ARIH1: variants seen among roughly 807,000 people sequenced by gnomAD.
The protein encoded by ARIH1 is ariadne RBR E3 ubiquitin protein ligase 1.
In ARIH1, 8 loss-of-function variants were observed where a neutral mutation model predicts 85.0. That is an observed-to-expected ratio of 0.09 (90% CI 0.06 to 0.17). The LOEUF (loss-of-function observed/expected upper bound fraction) is 0.17, where lower values mean the gene tolerates loss of function less well. Among genes scored for constraint, ARIH1 ranks in the 10% least tolerant of loss-of-function variants. The pLI is 1.00. For missense variants in ARIH1, 311 were observed against 718.1 expected, an observed-to-expected ratio of 0.43 and a Z score of 6.48; for synonymous variants, 238 against 253.6, an observed-to-expected ratio of 0.94 and a Z score of 0.59.
rs527337448 is a variant in ARIH1, at chr15:72,548,487, G to T, written c.588+3523G>T. Among the ~76,000 whole-genome samples, 92 of 152,288 alleles carry T rather than the reference G, an allele frequency of 6.0e-4. 1 individual carries two copies. The highest frequency in any genetic ancestry group is 2.1e-3 in the African/African-American group (87 of 41,550). ...AGGAAATGGAAGCAATAAATGTAAT[G>T]AAATTACTCTTTTACAAGAAATTTC... On this transcript the variant is annotated intron_variant, in intron 3 of 13. Transcript: ENST00000379887.
chr15:72,544,094 A>G (rs938743927), intron 2 of ARIH1, among the ~76,000 whole-genome samples: 1 of 152,144 alleles, frequency 6.6e-6, no homozygotes, highest in Non-Finnish European at 1.5e-5. Context: ...GAACTACTCT[A>G]TATTTAGATA....
intron 1 of ARIH1, among the ~76,000 whole-genome samples, chr15:72,478,939 G>A (rs11638897): frequency 0.77 from 117,291 of 152,124 alleles, 51,496 homozygotes; most frequent in Non-Finnish European, 0.96. Flanking sequence ...CTGAGCTAAA[G>A]TGATTCTCCC....
chr15:72,489,876 C>T (rs1201244284), intron 1 of ARIH1, among the ~76,000 whole-genome samples: 1 of 152,090 alleles, frequency 6.6e-6, no homozygotes, highest in East Asian at 1.9e-4. Context: ...AAAGCTTTGC[C>T]CTCCAAAGCA....
At chr15:72,571,129 C>CAA (rs56376097) in intron 10 of ARIH1, among the ~76,000 whole-genome samples, 4 of 61,474 alleles carry the variant, frequency 6.5e-5, no homozygotes, top group East Asian at 5.2e-4. Flanking sequence ...AACTGTGTCT[C>CAA]AAAAAAAAAA....
intron 3 of ARIH1, among the ~76,000 whole-genome samples, chr15:72,552,175 A>G (rs75642089): frequency 1.5e-4 from 23 of 151,826 alleles, no homozygotes; most frequent in African/African-American, 3.1e-4. Flanking sequence ...GTATAGTAGG[A>G]AAAAAAAAGG....
chr15:72,516,774 T>C (rs971621651), intron 1 of ARIH1, among the ~76,000 whole-genome samples: 2 of 152,226 alleles, frequency 1.3e-5, no homozygotes, highest in African/African-American at 4.8e-5. Context: ...TTCATGACAC[T>C]ATTTTTATAC....
Position 72,590,360 on chromosome 15 carries a change from C to T in ARIH1, c.*7068C>T, listed in dbSNP as rs1008074371. ...TTCCAACCTAAGATTGTCCTGGAAA[C>T]TTAATTCTTATCTTGGCTCATCTCT... On this transcript the variant is annotated 3_prime_UTR_variant, in exon 14 of 14. Coordinates refer to ENST00000379887, the MANE Select transcript of ARIH1 (RefSeq NM_005744.5). The T allele has an allele frequency of 6.6e-6, 1 of 152,226 alleles. No individual in the cohort carries two copies. Among genetic ancestry groups the T allele is most frequent in the Non-Finnish European group, 1.5e-5 (1 of 68,054 alleles). 9.4% of individuals were successfully genotyped at this position (152,226 alleles called of 1,614,324 possible).
intron 2 of ARIH1, among the ~76,000 whole-genome samples, chr15:72,518,909 G>T (rs1308339724): frequency 6.6e-6 from 1 of 152,084 alleles, no homozygotes; most frequent in Non-Finnish European, 1.5e-5. Context: ...CAGGTGCTTG[G>T]ACTGGTTCTC....
intron 1 of ARIH1, among the ~76,000 whole-genome samples, chr15:72,484,915 A>G (rs1158678198): frequency 6.6e-6 from 1 of 152,048 alleles, no homozygotes; most frequent in East Asian, 1.9e-4. Flanking sequence ...TCTTTTTCGT[A>G]TAATGACTTT....
chr15:72,572,172 A>G lies in ARIH1; in HGVS notation c.1215+7A>G, dbSNP rs374641088. The G allele has an allele frequency of 1.4e-5, 22 of 1,589,140 alleles. No individual in the cohort carries two copies. The East Asian group carries it at 3.4e-4, about 24-fold the overall frequency. On this transcript the variant is annotated splice_region_variant and intron_variant, in intron 11 of 13. Coordinates refer to ENST00000379887, the MANE Select transcript of ARIH1 (RefSeq NM_005744.5). ...AGCAAGAGATGCACAGGAGGTAAGTATATGTATAACAGGACAATAGTTGAC... is the reference window on the plus strand; with the variant it reads ...AGCAAGAGATGCACAGGAGGTAAGTGTATGTATAACAGGACAATAGTTGAC...
rs1348440155 is a variant in ARIH1, at chr15:72,595,875, G to A, written c.*12583G>A. 1 of 148,592 alleles carries A rather than the reference G, an allele frequency of 6.7e-6. No homozygotes were observed. The highest frequency in any genetic ancestry group is 2.5e-5 in the African/African-American group (1 of 40,590). The allele number at this position is 148,592 out of a possible 1,614,324, so 9.2% of individuals were successfully genotyped here. A position where few individuals can be genotyped will look rare whatever the true frequency, so the allele number is the denominator to read the frequency against. On this transcript the variant is annotated 3_prime_UTR_variant, in exon 14 of 14. Transcript: ENST00000379887. ...GACTGAGTCTTGCTCTATCTCCCAG[G>A]CTGTGGTGCAGTGGTGCAATCTGCA...
intron 1 of ARIH1, among the ~76,000 whole-genome samples, chr15:72,506,997 TATGTATGTATG>T (rs2063928795): frequency 7.2e-6 from 1 of 138,580 alleles, no homozygotes; most frequent in Non-Finnish European, 1.7e-5. Context: ...TGTATGTATG[TATGTATGTATG>T]TATGTATGTA....
chr15:72,497,695 T>C (rs1025454033), intron 1 of ARIH1, among the ~76,000 whole-genome samples: 1 of 152,222 alleles, frequency 6.6e-6, no homozygotes, highest in Non-Finnish European at 1.5e-5. Context: ...TATGCTGTTA[T>C]GCTTCTAAAA....
intron 11 of ARIH1, chr15:72,572,391 C>T (rs2064252581): frequency 8.7e-6 from 3 of 346,778 alleles, no homozygotes; most frequent in Non-Finnish European, 1.6e-5. Context: ...GTGCGCGCCA[C>T]CACACCCTGC....
Position 72,568,814 on chromosome 15 carries a change from T to TA in ARIH1, c.1027-1358dup, listed in dbSNP as rs1466069892. On this transcript the variant is annotated intron_variant, in intron 9 of 13. Transcript: ENST00000379887. Reference sequence around the variant, plus strand: ...AAAAATTTGATTTGAAATATATAATTAAAAAGTTGCTATATTGGCCTATTT... The same window carrying TA: ...AAAAATTTGATTTGAAATATATAATTAAAAAAGTTGCTATATTGGCCTATTT... Among the ~76,000 whole-genome samples, 9 of 152,294 alleles carry TA rather than the reference T, an allele frequency of 5.9e-5. No homozygotes were observed. The South Asian group carries it at 1.9e-3, about 32-fold the overall frequency.
chr15:72,501,215 T>C (rs1418081937), intron 1 of ARIH1, among the ~76,000 whole-genome samples: 2 of 152,244 alleles, frequency 1.3e-5, no homozygotes, highest in Non-Finnish European at 2.9e-5. Flanking sequence ...TTTATGACTT[T>C]TATTAGCTTT....
chr15:72,547,775 G>T (rs1297125398), intron 3 of ARIH1, among the ~76,000 whole-genome samples: 1 of 152,188 alleles, frequency 6.6e-6, no homozygotes, highest in Admixed American at 6.5e-5. Flanking sequence ...TAAGACCCAG[G>T]TTTTACAAGG....
intron 11 of ARIH1, among the ~76,000 whole-genome samples, chr15:72,577,684 CAA>C (rs2064278035): frequency 6.7e-6 from 1 of 150,070 alleles, no homozygotes; most frequent in Non-Finnish European, 1.5e-5. Flanking sequence ...AAACAAAAAA[CAA>C]ACAAACAAAA....
chr15:72,577,863 G>GT (rs2064278790), intron 11 of ARIH1, among the ~76,000 whole-genome samples: 1 of 152,110 alleles, frequency 6.6e-6, no homozygotes, highest in Non-Finnish European at 1.5e-5. Flanking sequence ...CTTACGAACC[G>GT]TTTTGCATTT....
Sources: allele counts gnomAD v4.1 joint callset (sites outside exome capture counted in the v4.1 genomes callset), GRCh38; gene constraint gnomAD v4.1.1; transcripts MANE v1.5; gene names NCBI Gene and HGNC (gene_info 2026-07-23, HGNC 2026-07-21).